MYOZ3: variants seen among roughly 807,000 people sequenced by gnomAD.
MYOZ3 encodes myozenin-3.
MYOZ3 carries 19 observed loss-of-function variants against 26.5 expected under a neutral mutation model. The ratio of observed to expected loss-of-function variants is 0.72; its 90% CI spans 0.50 to 1.05. MYOZ3 has a LOEUF of 1.05. Among genes scored for constraint, MYOZ3 ranks in the 50% least tolerant of loss-of-function variants. MYOZ3 has a pLI of 0.00. For missense variants in MYOZ3, 322 were observed against 337.1 expected (o/e 0.96, Z 0.35); for synonymous variants, 135 against 138.8 (o/e 0.97, Z 0.19).
chr5:150,670,473 T>A lies in MYOZ3; in HGVS notation c.62-11T>A. 6.2e-7 allele frequency: 1 copy of A among 1,603,464 alleles called. No homozygotes were observed. Among genetic ancestry groups the A allele is most frequent in the Non-Finnish European group, 8.5e-7 (1 of 1,173,868 alleles). Reference sequence around the variant, plus strand: ...GGGGTGGTGAGAGCCCGCTCTGGCCTTTCCTGGCAGTCCCTACGCTGGACC... The same window carrying A: ...GGGGTGGTGAGAGCCCGCTCTGGCCATTCCTGGCAGTCCCTACGCTGGACC... On this transcript the variant is annotated splice_polypyrimidine_tract_variant and intron_variant, in intron 2 of 6. Coordinates refer to ENST00000517768, the MANE Select transcript of MYOZ3 (RefSeq NM_001122853.3).
At chr5:150,666,080 A>G (rs964741626) in intron 2 of MYOZ3, among the ~76,000 whole-genome samples, 1 of 151,386 alleles carries the variant, frequency 6.6e-6, no homozygotes, top group Non-Finnish European at 1.5e-5. Context: ...GCTCATCTGT[A>G]TAGTATTTCA....
chr5:150,672,559 A>T lies in MYOZ3; in HGVS notation c.587+57A>T, dbSNP rs1343478121. 4.6e-6 allele frequency: 7 copies of T among 1,512,756 alleles called. No individual in the cohort carries two copies. The African/African-American group carries it at 9.8e-5, about 21-fold the overall frequency. The allele number at this position is 1,512,756 out of a possible 1,614,324, so 93.7% of individuals were successfully genotyped here. On this transcript the variant is annotated intron_variant, in intron 6 of 6. Coordinates refer to ENST00000517768, the MANE Select transcript of MYOZ3 (RefSeq NM_001122853.3). ...CCGGGAGGGGCGGGAAGCCAGTCAC[A>T]GCCACAGCGGGAGCCTGCGTTTCCT...
chr5:150,676,632 A>C, intron 6 of MYOZ3, 75 bp from the exon 7 acceptor site: 1 of 1,478,656 alleles, frequency 6.8e-7, no homozygotes, highest in Non-Finnish European at 9.2e-7. Flanking sequence ...GGGCCCATAC[A>C]TGGTGATCCA....
In MYOZ3 at chr5:150,671,876, G is replaced by A. The variant is rs997501484; in HGVS notation, c.392G>A (p.Gly131Glu). Reference protein sequence around the residue: ...EGAHPAAAPAGCVPSPSALAP... With the variant: ...EGAHPAAAPAECVPSPSALAP... ...GCCCACCCTGCAGCCGCCCCTGCTG[G>A]GTGCGTCCCCAGCCCCAGCGCCCTG... Residue 131 changes from glycine to glutamate, a missense_variant, in exon 5 of 7, where the codon GGG becomes GAG. Coordinates refer to ENST00000517768, the MANE Select transcript of MYOZ3 (RefSeq NM_001122853.3). The A allele has an allele frequency of 3.8e-6, 6 of 1,585,758 alleles. No individual in the cohort carries two copies. Among genetic ancestry groups the A allele is most frequent in the East Asian group, 4.6e-5 (2 of 43,356 alleles).
chr5:150,661,563 G>C (rs551458679), intron 1 of MYOZ3, 136 bp downstream of exon 1: 10 of 152,214 alleles, frequency 6.6e-5, no homozygotes, highest in Admixed American at 4.6e-4. Context: ...TGCAAGCCTC[G>C]ATCCTGGTTT....
intron 6 of MYOZ3, among the ~76,000 whole-genome samples, chr5:150,675,227 T>TGTGTGC (rs1305069913): frequency 1.5e-5 from 2 of 131,938 alleles, no homozygotes; most frequent in African/African-American, 8.5e-5. Flanking sequence ...GAATGGCGTT[T>TGTGTGC]GTGTGTGTGT....
chr5:150,661,183 T>C (rs927170920), upstream of MYOZ3: 1 of 152,472 alleles, frequency 6.6e-6, no homozygotes, highest in African/African-American at 2.4e-5. Flanking sequence ...TAGGGTCTGG[T>C]GCTTTTAGCC....
Position 150,676,709 on chromosome 5 carries a change from C to A in MYOZ3, c.590C>A (p.Thr197Asn). 6.2e-7 allele frequency: 1 copy of A among 1,613,622 alleles called. No homozygotes were observed. The highest frequency in any genetic ancestry group is 8.5e-7 in the Non-Finnish European group (1 of 1,179,756). The stretch of plus-strand genomic sequence containing the variant: ...CTCCTGCTGCTCTCTTTCTCCAGGA[C>A]CCCGGTGCCATTTGGAGGACCCCTC... Reference protein sequence around the residue: ...SPNDYRNFNKTPVPFGGPLVG... With the variant: ...SPNDYRNFNKNPVPFGGPLVG... The change falls in exon 7 of 7, where the codon ACC (threonine) becomes AAC (asparagine). Residue 197 changes from threonine to asparagine, a missense_variant and splice_region_variant. By Grantham distance (65) the Thr-to-Asn change is moderately conservative (BLOSUM62 0). Coordinates refer to ENST00000517768, the MANE Select transcript of MYOZ3 (RefSeq NM_001122853.3).
In MYOZ3 at chr5:150,672,404, C is replaced by T; in HGVS notation, c.489C>T (p.Gly163=). ...TCAACCACACCGCCATCTCCAAGGG[C>T]TACCGCTGCCCTTGGCAGGAGTTCG... is the stretch of plus-strand genomic sequence containing the variant. ...EKFNHTAISK[G]YRCPWQEFVS... The change falls in exon 6 of 7, where the codon GGC becomes GGT. Residue 163 remains glycine (G), a synonymous_variant. Transcript: ENST00000517768. 1.2e-6 allele frequency: 2 copies of T among 1,613,554 alleles called. No individual in the cohort carries two copies. The highest frequency in any genetic ancestry group is 1.7e-6 in the Non-Finnish European group (2 of 1,179,776).
At chr5:150,672,234 C>T (rs1354032559) in intron 5 of MYOZ3, 106 bp from the exon 6 acceptor site, 24 of 1,504,194 alleles carry the variant, frequency 1.6e-5, no homozygotes, top group Admixed American at 2.0e-5. Context: ...CCCCTAACTC[C>T]GATCTTCCCT....
chr5:150,665,599 T>C (rs1758795912), intron 2 of MYOZ3, among the ~76,000 whole-genome samples: 1 of 152,238 alleles, frequency 6.6e-6, no homozygotes, highest in Admixed American at 6.5e-5. Context: ...TTTATCTTTT[T>C]TTATTTTTTA....
chr5:150,665,220 A>C (rs887612308), intron 2 of MYOZ3, among the ~76,000 whole-genome samples: 3 of 152,196 alleles, frequency 2.0e-5, no homozygotes. Context: ...TGCTCTCGGA[A>C]GGGAAGGAGG....
rs1561671103 is a variant in MYOZ3 at position 150,671,869 on chromosome 5, C to G, written c.385C>G (p.Pro129Ala). The G allele has an allele frequency of 1.3e-6, 2 of 1,591,868 alleles. No individual in the cohort carries two copies. Among genetic ancestry groups the G allele is most frequent in the Non-Finnish European group, 1.7e-6 (2 of 1,172,292 alleles). The change falls in exon 5 of 7, where the codon CCT becomes GCT. Residue 129 changes from proline (P) to alanine (A), a missense_variant. Pro to Ala is a conservative substitution (Grantham distance 27). Transcript: ENST00000517768. The part of the protein sequence containing the change: ...GPEGAHPAAA[P>A]AGCVPSPSAL... ...CGAGGGCGCCCACCCTGCAGCCGCCCCTGCTGGGTGCGTCCCCAGCCCCAG... is the reference window on the plus strand; with the variant it reads ...CGAGGGCGCCCACCCTGCAGCCGCCGCTGCTGGGTGCGTCCCCAGCCCCAG...
chr5:150,670,323 C>T (rs1270266123), intron 2 of MYOZ3, 161 bp from the exon 3 acceptor site: 2 of 702,502 alleles, frequency 2.8e-6, no homozygotes, highest in Non-Finnish European at 4.2e-6. Context: ...TCATTTTTGC[C>T]CATCAGGTGG....
chr5:150,670,436 T>A, intron 2 of MYOZ3, 48 bp from the exon 3 acceptor site: 3 of 1,534,496 alleles, frequency 2.0e-6, no homozygotes, highest in East Asian at 2.4e-5. Flanking sequence ...GGGCCTGGAG[T>A]GTATGGGGGA....
At chr5:150,673,561 C>T (rs1758958572) in intron 6 of MYOZ3, among the ~76,000 whole-genome samples, 1 of 152,096 alleles carries the variant, frequency 6.6e-6, no homozygotes, top group East Asian at 1.9e-4. Flanking sequence ...GGGCTGGTCT[C>T]GAACTCCTGA....
intron 2 of MYOZ3, among the ~76,000 whole-genome samples, chr5:150,667,711 T>C (rs1290671815): frequency 1.3e-5 from 2 of 152,196 alleles, no homozygotes; most frequent in South Asian, 4.1e-4. Flanking sequence ...TTCCAAGCAG[T>C]TGTCTATATT....
rs1218637240 is a variant in MYOZ3 at position 150,671,582 on chromosome 5, C to T, written c.217-15C>T. The stretch of plus-strand genomic sequence containing the variant: ...CTGAGCTTCTCTGCGGTTTATTCTA[C>T]CCCCTCGTTCCCAGATGCTGGCCGG... On this transcript the variant is annotated splice_polypyrimidine_tract_variant and intron_variant, in intron 3 of 6. Transcript: ENST00000517768. 1 of 1,613,472 alleles carries T rather than the reference C, an allele frequency of 6.2e-7. No individual in the cohort carries two copies. The highest frequency in any genetic ancestry group is 8.5e-7 in the Non-Finnish European group (1 of 1,179,646).
Position 150,662,985 on chromosome 5 carries a change from G to C in MYOZ3, c.44G>C (p.Gly15Ala), listed in dbSNP as rs147827463. Residue 15 changes from glycine (G) to alanine (A), a missense_variant, in exon 2 of 7, where the codon GGG (glycine) becomes GCG (alanine). By Grantham distance (60) the Gly-to-Ala change is moderately conservative. Coordinates refer to ENST00000517768, the MANE Select transcript of MYOZ3 (RefSeq NM_001122853.3). ...AAGGGGCCAGTGATGGCTGCCATGG[G>C]GGACCTCACTGAACCAGGTAAGGTG... Reference protein sequence around the residue: ...EQKGPVMAAMGDLTEPVPTLD... With the variant: ...EQKGPVMAAMADLTEPVPTLD... 5 of 1,611,990 alleles carry C rather than the reference G, an allele frequency of 3.1e-6. No homozygotes were observed. Among genetic ancestry groups the C allele is most frequent in the South Asian group, 2.2e-5 (2 of 90,640 alleles).
Sources: gnomAD v4.1 joint callset for allele counts (sites outside exome capture counted in the v4.1 genomes callset) on GRCh38, gnomAD v4.1.1 for gene constraint, MANE v1.5 for transcripts, NCBI Gene and HGNC (gene_info 2026-07-23, HGNC 2026-07-21) for gene names.